CEMIP2: variants seen among roughly 807,000 people sequenced by gnomAD.
The protein encoded by CEMIP2 is cell migration inducing hyaluronidase 2, also known as cell surface hyaluronidase CEMIP2.
A neutral mutation model predicts 146.9 loss-of-function variants in CEMIP2; 79 were observed. The ratio of observed to expected loss-of-function variants is 0.54; its 90% confidence interval spans 0.45 to 0.65. The LOEUF (loss-of-function observed/expected upper bound fraction) is 0.65. Ranked by LOEUF, CEMIP2 falls within the 30% of genes least tolerant of loss-of-function variation. CEMIP2 has a pLI of 0.00. For missense variants in CEMIP2, 1,596 were observed against 1,696.2 expected, an observed-to-expected ratio of 0.94 and a Z score of 1.04; for synonymous variants, 601 against 606.3, an observed-to-expected ratio of 0.99 and a Z score of 0.13.
intron 14 of CEMIP2, 148 bp from the exon 15 acceptor site, chr9:71,715,237 CTTTTTTT>C (rs34322815): frequency 2.0e-3 from 464 of 232,302 alleles, no homozygotes; most frequent in East Asian, 4.1e-3. Flanking sequence ...TCAGAAACTG[CTTTTTTT>C]TTTTTTTTTT....
intron 2 of CEMIP2, 78 bp downstream of exon 2, chr9:71,749,965 A>AT (rs891799303): frequency 1.7e-4 from 230 of 1,322,536 alleles, no homozygotes; most frequent in Admixed American, 3.1e-4. Context: ...CTTAAGATAA[A>AT]TTTTTTTTTA....
At chr9:71,706,097 C>G (rs994893172) in intron 17 of CEMIP2, among the ~76,000 whole-genome samples, 2 of 151,724 alleles carry the variant, frequency 1.3e-5, no homozygotes. Context: ...GGTGTGGTGG[C>G]GGGTGCCTGT....
In CEMIP2 at chr9:71,764,649, G is replaced by C. The variant is rs559173032; in HGVS notation, c.-13+3708C>G. ...TTACCCCCCTCCCCACCGCACCCCT[G>C]GCAAAAGGGCACAGTTCACTTGATA... On this transcript the variant is annotated intron_variant, in intron 1 of 23. Coordinates refer to ENST00000377044, the MANE Select transcript of CEMIP2 (RefSeq NM_013390.3). Among the ~76,000 whole-genome samples the C allele has an allele frequency of 3.3e-5, 5 of 152,064 alleles. No homozygotes were observed. In the East Asian group the frequency reaches 7.7e-4, roughly 24 times the overall value.
chr9:71,737,173 A>G (rs1017560939), intron 5 of CEMIP2, among the ~76,000 whole-genome samples: 44 of 137,766 alleles, frequency 3.2e-4, no homozygotes, highest in African/African-American at 1.1e-3. Context: ...AAAAAAAAAA[A>G]GAAAGAAAGA....
intron 21 of CEMIP2, among the ~76,000 whole-genome samples, chr9:71,691,418 A>C (rs114302447): frequency 0.045 from 6,796 of 149,674 alleles, 400 homozygotes; most frequent in African/African-American, 0.12. Flanking sequence ...ACTCTGTCTC[A>C]GGAAAAAAAA....
chr9:71,686,088 C>T (rs1246832413), intron 22 of CEMIP2: 1 of 421,038 alleles, frequency 2.4e-6, no homozygotes, highest in Non-Finnish European at 4.3e-6. Flanking sequence ...TACGTACGTT[C>T]ACCTAGTGCA....
chr9:71,722,901 G>A (rs1464420978), intron 11 of CEMIP2, among the ~76,000 whole-genome samples: 1 of 152,106 alleles, frequency 6.6e-6, no homozygotes, highest in African/African-American at 2.4e-5. Flanking sequence ...CAGAAAAGAA[G>A]GGCATCTGGA....
chr9:71,728,239 A>ATATATATACG (rs1564012130), intron 10 of CEMIP2, among the ~76,000 whole-genome samples: 1 of 30,058 alleles, frequency 3.3e-5, no homozygotes, highest in Non-Finnish European at 9.1e-5. Context: ...CTCTATATAT[A>ATATATATACG]TATATATATA....
rs182466161 is a variant in CEMIP2, at chr9:71,738,027, C to T, written c.1204+2036G>A. On this transcript the variant is annotated intron_variant, in intron 5 of 23. Transcript: ENST00000377044. The stretch of plus-strand genomic sequence containing the variant: ...ATAACAGCTAAATATGGTAGAGCCC[C>T]CAATTTAAAGCTAATCTAATTCCAG... Among the ~76,000 whole-genome samples, 84 of 152,054 alleles carry T rather than the reference C, an allele frequency of 5.5e-4. 1 individual carries two copies. Among genetic ancestry groups the T allele is most frequent in the African/African-American group, 1.6e-3 (68 of 41,458 alleles).
rs771990221 is a variant in CEMIP2, at chr9:71,735,013, A to AG, written c.1205-20_1205-19insC. ...GAAACGCCTAAACCAAAAAAAAAAA[A>AG]AAGAAAAAGAAAGTGATACATTAAC... On this transcript the variant is annotated intron_variant, in intron 5 of 23. Coordinates refer to ENST00000377044, the MANE Select transcript of CEMIP2 (RefSeq NM_013390.3). 5 of 1,560,832 alleles carry AG rather than the reference A, an allele frequency of 3.2e-6. No homozygotes were observed. In the Admixed American group the frequency reaches 1.0e-4, roughly 31 times the overall value.
intron 17 of CEMIP2, among the ~76,000 whole-genome samples, chr9:71,708,668 G>T (rs1822822589): frequency 6.6e-6 from 1 of 152,130 alleles, no homozygotes; most frequent in African/African-American, 2.4e-5. Flanking sequence ...AATGCTTAAT[G>T]TCTTCAAAGA....
At chr9:71,750,973 C>T (rs1357593828) in intron 1 of CEMIP2, among the ~76,000 whole-genome samples, 2 of 152,080 alleles carry the variant, frequency 1.3e-5, no homozygotes, top group East Asian at 1.9e-4. Context: ...TCTCAAACTC[C>T]GGAGCTCAAG....
chr9:71,730,752 G>A lies in CEMIP2; in HGVS notation c.1726C>T (p.His576Tyr). The A allele has an allele frequency of 6.2e-7, 1 of 1,614,222 alleles. No homozygotes were observed. The highest frequency in any genetic ancestry group is 8.5e-7 in the Non-Finnish European group (1 of 1,180,048). The change falls in exon 8 of 24, where the codon CAC (histidine) becomes TAC (tyrosine). Residue 576 changes from histidine (H) to tyrosine (Y), a missense_variant. Physicochemically the swap from His to Tyr is moderately conservative, Grantham distance 83. Coordinates refer to ENST00000377044, the MANE Select transcript of CEMIP2 (RefSeq NM_013390.3). ...ATFVDGLSIH[H>Y]SFSRCITVHG... Reference sequence around the variant, plus strand: ...ACAGTGATGCACCTTGAGAAGCTGTGATGAATAGACAGGCCGTCCACAAAT... The same window carrying A: ...ACAGTGATGCACCTTGAGAAGCTGTAATGAATAGACAGGCCGTCCACAAAT...
At chr9:71,759,246 T>C (rs1824553605) in intron 1 of CEMIP2, among the ~76,000 whole-genome samples, 1 of 152,172 alleles carries the variant, frequency 6.6e-6, no homozygotes, top group South Asian at 2.1e-4. Context: ...ATAATAAACA[T>C]CTGTATGCAT....
intron 1 of CEMIP2, among the ~76,000 whole-genome samples, chr9:71,763,488 A>G (rs1484511104): frequency 6.6e-6 from 1 of 152,246 alleles, no homozygotes; most frequent in Non-Finnish European, 1.5e-5. Flanking sequence ...AGGCAACAAC[A>G]TCCTAATGAC....
At chr9:71,730,567 C>T (rs753278380) in intron 8 of CEMIP2, 138 bp downstream of exon 8, 12 of 872,092 alleles carry the variant, frequency 1.4e-5, no homozygotes, top group East Asian at 8.2e-5. Flanking sequence ...ACAGAAAAAT[C>T]GTGGAATGCT....
At position 71,722,436 on chromosome 9, in the gene CEMIP2, T is replaced by C. The variant is rs1413766832; in HGVS notation, c.2258A>G (p.Asn753Ser). Residue 753 changes from asparagine (N) to serine (S), a missense_variant, in exon 12 of 24, where the codon AAT becomes AGT. Coordinates refer to ENST00000377044, the MANE Select transcript of CEMIP2 (RefSeq NM_013390.3). ...ADPREYLCLD[N>S]SARFRPHQDA... The stretch of plus-strand genomic sequence containing the variant: ...AAAGAGCCAGCTTTACCTTGCACTA[T>C]TGTCCAAACAGAGGTATTCCCTTGG... 4 of 1,612,696 alleles carry C rather than the reference T, an allele frequency of 2.5e-6. No individual in the cohort carries two copies. The highest frequency in any genetic ancestry group is 1.3e-5 in the African/African-American group (1 of 74,904).
chr9:71,750,051 G>T lies in CEMIP2; in HGVS notation c.323C>A (p.Ala108Asp). The change falls in exon 2 of 24, where the codon GCT becomes GAT. Residue 108 changes from alanine (A) to aspartate (D), a missense_variant. Transcript: ENST00000377044. ...CATATACACACACTTACCATCTGGA[G>T]CATATTTTGAGGATATTCCTAAAAT... is the stretch of plus-strand genomic sequence containing the variant. ...AIILGISSKY[A>D]PDENCPDQNP... The T allele has an allele frequency of 6.3e-7, 1 of 1,599,494 alleles. No homozygotes were observed. The highest frequency in any genetic ancestry group is 8.5e-7 in the Non-Finnish European group (1 of 1,172,372).
intron 1 of CEMIP2, among the ~76,000 whole-genome samples, chr9:71,752,379 G>A (rs766840440): frequency 7.4e-5 from 11 of 148,612 alleles, no homozygotes; most frequent in South Asian, 2.2e-4. Flanking sequence ...AATTTTTTAC[G>A]TTCTCTATAA....
Sources: allele counts gnomAD v4.1 joint callset (sites outside exome capture counted in the v4.1 genomes callset), GRCh38; gene constraint gnomAD v4.1.1; transcripts MANE v1.5; gene names NCBI Gene and HGNC (gene_info 2026-07-23, HGNC 2026-07-21).